HMMR: variants seen among roughly 807,000 people sequenced by gnomAD.
HMMR encodes intracellular hyaluronic acid-binding protein.
A neutral mutation model predicts 101.0 loss-of-function variants in HMMR; 108 were observed. The observed-to-expected ratio is 1.07, with a 90% confidence interval of 0.92 to 1.25. The LOEUF is 1.25. Ranked by LOEUF, HMMR falls within the 50% of genes most tolerant of loss-of-function variation. The pLI is 0.00. For missense variants in HMMR, 813 were observed against 788.7 expected (o/e 1.03, Z -0.37); for synonymous variants, 296 against 276.4 (o/e 1.07, Z -0.70).
intron 1 of HMMR, among the ~76,000 whole-genome samples, 174 bp from the exon 2 acceptor site, chr5:163,463,682 T>C (rs1758610458): frequency 6.6e-6 from 1 of 152,228 alleles, no homozygotes; most frequent in South Asian, 2.1e-4. Context: ...AAGATGATAT[T>C]GTTCTTCATA....
In HMMR at chr5:163,475,528, T is replaced by C; in HGVS notation, c.1124T>C (p.Phe375Ser). 1.2e-6 allele frequency: 2 copies of C among 1,610,166 alleles called. No individual in the cohort carries two copies. Among genetic ancestry groups the C allele is most frequent in the Non-Finnish European group, 1.7e-6 (2 of 1,176,982 alleles). The change falls in exon 11 of 18, where the codon TTT (phenylalanine) becomes TCT (serine). Residue 375 changes from phenylalanine (F) to serine (S), a missense_variant. Transcript: ENST00000393915. ...GAAATGGTTAAAGAGAAGAATCTGT[T>C]TGAGGAAGAATTAAAGCAAACACTG... ...QEEMVKEKNL[F>S]EEELKQTLDE...
chr5:163,474,125 A>C lies in HMMR; in HGVS notation c.973A>C (p.Lys325Gln), dbSNP rs373512642. ...LNAEMQNLKQKFILEQQEREK... is the reference protein window; with the variant it reads ...LNAEMQNLKQQFILEQQEREK... ...TGCAGAGATGCAAAACTTAAAACAG[A>C]AGTTTATTCTTGAACAACAGGAACG... is the stretch of plus-strand genomic sequence containing the variant. The change falls in exon 10 of 18, where the codon AAG becomes CAG. Residue 325 changes from lysine (K) to glutamine (Q), a missense_variant. Transcript: ENST00000393915. The C allele has an allele frequency of 6.2e-7, 1 of 1,611,706 alleles. No individual in the cohort carries two copies. Among genetic ancestry groups the C allele is most frequent in the Non-Finnish European group, 8.5e-7 (1 of 1,178,448 alleles).
At chr5:163,461,360 C>T (rs976465549) in intron 1 of HMMR, among the ~76,000 whole-genome samples, 1 of 152,152 alleles carries the variant, frequency 6.6e-6, no homozygotes, top group Non-Finnish European at 1.5e-5. Flanking sequence ...AAGACTGAGA[C>T]TTAAATTTGC....
intron 10 of HMMR, among the ~76,000 whole-genome samples, chr5:163,474,811 A>G (rs1759015654): frequency 6.6e-6 from 1 of 152,106 alleles, no homozygotes; most frequent in Non-Finnish European, 1.5e-5. Flanking sequence ...GTGAAATATT[A>G]TAGTGTTGGA....
chr5:163,469,601 C>T, intron 4 of HMMR, 40 bp from the exon 5 acceptor site: 1 of 1,533,798 alleles, frequency 6.5e-7, no homozygotes, highest in Non-Finnish European at 8.9e-7. Context: ...TGTTGGCATT[C>T]TATCAGTGAA....
At chr5:163,488,134 T>C (rs563307156) in intron 16 of HMMR, among the ~76,000 whole-genome samples, 2 of 152,330 alleles carry the variant, frequency 1.3e-5, no homozygotes, top group Non-Finnish European at 2.9e-5. Context: ...GATTATAGGC[T>C]TGAGCCACTG....
intron 10 of HMMR, 92 bp downstream of exon 10, chr5:163,474,297 A>G (rs1759001066): frequency 1.1e-6 from 1 of 914,236 alleles, no homozygotes; most frequent in Admixed American, 2.5e-5. Context: ...ATATCCTTTG[A>G]TCTACCAATT....
chr5:163,490,411 C>A lies in HMMR; in HGVS notation c.1984C>A (p.Gln662Lys). ...CTAGGAAGTATCAAAACTCCGCTGT[C>A]AGCTTGCTAAAAAAAAACAAAGTGA... is the stretch of plus-strand genomic sequence containing the variant. ...LKSEVSKLRC[Q>K]LAKKKQSETK... Residue 662 changes from glutamine to lysine, a missense_variant, in exon 17 of 18, where the codon CAG becomes AAG. Transcript: ENST00000393915. 1 of 1,582,370 alleles carries A rather than the reference C, an allele frequency of 6.3e-7. No individual in the cohort carries two copies. The highest frequency in any genetic ancestry group is 1.2e-5 in the South Asian group (1 of 85,854).
chr5:163,483,008 C>T lies in HMMR; in HGVS notation c.1533-12C>T. The T allele has an allele frequency of 6.4e-7, 1 of 1,574,134 alleles. No individual in the cohort carries two copies. On this transcript the variant is annotated splice_polypyrimidine_tract_variant and intron_variant, in intron 13 of 17. Coordinates refer to ENST00000393915, the MANE Select transcript of HMMR (RefSeq NM_001142556.2). Reference sequence around the variant, plus strand: ...TAAAATGTTTAGTGACCTCTTCTCTCTCAAACCAAAGGATGCTTCTAGATC... The same window carrying T: ...TAAAATGTTTAGTGACCTCTTCTCTTTCAAACCAAAGGATGCTTCTAGATC...
At position 163,491,636 on chromosome 5, in the gene HMMR, A is replaced by G. The variant is rs1759699070; in HGVS notation, c.*472A>G. On this transcript the variant is annotated 3_prime_UTR_variant, in exon 18 of 18. Coordinates refer to ENST00000393915, the MANE Select transcript of HMMR (RefSeq NM_001142556.2). ...TTATCCTTCTACTTGTCCAGTTCAA[A>G]TAAGAAATAAGGACAAGCCTAACTT... is the stretch of plus-strand genomic sequence containing the variant. 6.6e-6 allele frequency: 1 copy of G among 152,276 alleles called. No homozygotes were observed. Among genetic ancestry groups the G allele is most frequent in the Non-Finnish European group, 1.5e-5 (1 of 68,114 alleles). 9.4% of individuals were successfully genotyped at this position (152,276 alleles called of 1,614,324 possible). A position where few individuals can be genotyped will look rare whatever the true frequency, so the allele number is the denominator to read the frequency against.
At chr5:163,487,401 G>T (rs1759517559) in intron 16 of HMMR, among the ~76,000 whole-genome samples, 1 of 151,644 alleles carries the variant, frequency 6.6e-6, no homozygotes, top group Non-Finnish European at 1.5e-5. Flanking sequence ...TTTTTTTAAT[G>T]TCTGTCTCAT....
chr5:163,463,904 T>A lies in HMMR; in HGVS notation c.95T>A (p.Leu32Ter). 6.7e-7 allele frequency: 1 copy of A among 1,494,466 alleles called. No individual in the cohort carries two copies. The highest frequency in any genetic ancestry group is 8.9e-7 in the Non-Finnish European group (1 of 1,119,196). The allele number at this position is 1,494,466 out of a possible 1,614,324, so 92.6% of individuals were successfully genotyped here. Residue 32 changes from leucine (L) to a stop codon, truncating the protein, a stop_gained, in exon 2 of 18, where the codon TTG becomes TAG. Coordinates refer to ENST00000393915, the MANE Select transcript of HMMR (RefSeq NM_001142556.2). LOFTEE classifies it high-confidence loss of function. ...GAYDVKTLEV[L>*]KGPVSFQKSQ... ...TATGATGTTAAAACTTTAGAAGTAT[T>A]GAAAGGACCAGTATCCTTTCAGAAA...
rs367663428 is a variant in HMMR, at chr5:163,475,275, A to C, written c.1054-183A>C. 3.8e-3 allele frequency among the ~76,000 whole-genome samples: 573 copies of C among 152,248 alleles called. 5 individuals carry two copies. The highest frequency in any genetic ancestry group is 0.013 in the African/African-American group (551 of 41,562). ...AAAAGCCTAAGATGATATTTGCCAC[A>C]ATGTTAACAAGGTATAGGAAATAAT... is the stretch of plus-strand genomic sequence containing the variant. On this transcript the variant is annotated intron_variant, in intron 10 of 17. Transcript: ENST00000393915.
chr5:163,475,612 T>C lies in HMMR; in HGVS notation c.1208T>C (p.Leu403Ser). ...CAAGCTGAAAGGCTGGTCAAGCAAT[T>C]GGAAGAGGAAGCAAAATCTAGAGCT... The part of the protein sequence containing the change: ...EEQAERLVKQ[L>S]EEEAKSRAEE... Residue 403 changes from leucine (L) to serine (S), a missense_variant, in exon 11 of 18, where the codon TTG becomes TCG. Coordinates refer to ENST00000393915, the MANE Select transcript of HMMR (RefSeq NM_001142556.2). 2 of 1,613,232 alleles carry C rather than the reference T, an allele frequency of 1.2e-6. No individual in the cohort carries two copies. Among genetic ancestry groups the C allele is most frequent in the Non-Finnish European group, 1.7e-6 (2 of 1,179,468 alleles).
At position 163,473,413 on chromosome 5, in the gene HMMR, G is replaced by C. The variant is rs1758961102; in HGVS notation, c.760G>C (p.Asp254His). Residue 254 changes from aspartate (D) to histidine (H), a missense_variant, in exon 9 of 18, where the codon GAT becomes CAT. Physicochemically the swap from Asp to His is moderately conservative, Grantham distance 81 (BLOSUM62 -1). Transcript: ENST00000393915. ...ASDQVEKYKL[D>H]IAQLEENLKE... Reference sequence around the variant, plus strand: ...AGATCAAGTGGAAAAATACAAGCTAGATATTGCCCAGTTAGAAGAAAATTT... The same window carrying C: ...AGATCAAGTGGAAAAATACAAGCTACATATTGCCCAGTTAGAAGAAAATTT... 1 of 1,611,014 alleles carries C rather than the reference G, an allele frequency of 6.2e-7. No homozygotes were observed. The highest frequency in any genetic ancestry group is 8.5e-7 in the Non-Finnish European group (1 of 1,178,612).
At chr5:163,471,534 T>C in intron 7 of HMMR, 71 bp downstream of exon 7, 7 of 1,008,778 alleles carry the variant, frequency 6.9e-6, no homozygotes, top group Non-Finnish European at 1.1e-5. Context: ...TCACAAATTA[T>C]TGTTTACTGA....
In HMMR at chr5:163,478,769, A is replaced by T. The variant is rs910039791; in HGVS notation, c.1354A>T (p.Ser452Cys). Residue 452 changes from serine (S) to cysteine (C), a missense_variant, in exon 12 of 18, where the codon AGC becomes TGC. Coordinates refer to ENST00000393915, the MANE Select transcript of HMMR (RefSeq NM_001142556.2). ...GGAAAAGTATGACAGTATGGTGCAAAGCCTTGAAGATGTTACTGCTCAATT... is the reference window on the plus strand; with the variant it reads ...GGAAAAGTATGACAGTATGGTGCAATGCCTTGAAGATGTTACTGCTCAATT... Reference protein sequence around the residue: ...LQEKYDSMVQSLEDVTAQFES... With the variant: ...LQEKYDSMVQCLEDVTAQFES... 9.3e-6 allele frequency: 15 copies of T among 1,609,522 alleles called. No individual in the cohort carries two copies. The highest frequency in any genetic ancestry group is 1.3e-5 in the Non-Finnish European group (15 of 1,175,856).
chr5:163,481,031 C>T (rs1212205561), intron 12 of HMMR, among the ~76,000 whole-genome samples: 1 of 151,944 alleles, frequency 6.6e-6, no homozygotes, highest in Non-Finnish European at 1.5e-5. Context: ...CAGTTTTCTT[C>T]TAAAAGTCTT....
At chr5:163,472,535 T>C (rs1758931847) in intron 7 of HMMR, among the ~76,000 whole-genome samples, 1 of 152,302 alleles carries the variant, frequency 6.6e-6, no homozygotes, top group Non-Finnish European at 1.5e-5. Context: ...GTTTTTGCCA[T>C]TTTTATACAC....
Sources: allele counts gnomAD v4.1 joint callset (sites outside exome capture counted in the v4.1 genomes callset), GRCh38; gene constraint gnomAD v4.1.1; transcripts MANE v1.5; gene names NCBI Gene and HGNC (gene_info 2026-07-23, HGNC 2026-07-21).